The following XRCC4 variants were observed in gnomAD, a reference collection of about 807,000 sequenced individuals.
The protein encoded by XRCC4 is X-ray repair cross complementing 4, also known as DNA repair protein XRCC4.
A neutral mutation model predicts 39.1 loss-of-function variants in XRCC4; 28 were observed. The observed-to-expected ratio is 0.72, with a 90% CI of 0.53 to 0.98. The LOEUF (loss-of-function observed/expected upper bound fraction) is 0.98. XRCC4 is among the 50% of genes least tolerant of loss of function. The pLI, the probability that XRCC4 is intolerant of heterozygous loss-of-function variation, is 0.00. For synonymous variants in XRCC4, 123 were observed against 126.4 expected, an observed-to-expected ratio of 0.97 and a Z score of 0.18; for missense variants, 350 against 376.4, an observed-to-expected ratio of 0.93 and a Z score of 0.58.
chr5:83,080,840 A>G (rs966585101), intron 1 of XRCC4, among the ~76,000 whole-genome samples: 2 of 152,238 alleles, frequency 1.3e-5, no homozygotes, highest in Non-Finnish European at 2.9e-5. Flanking sequence ...TTTAAGCAAA[A>G]AAAGGAAAGT....
chr5:83,177,748 G>A (rs915845350), intron 3 of XRCC4, among the ~76,000 whole-genome samples: 10 of 152,184 alleles, frequency 6.6e-5, no homozygotes, highest in African/African-American at 2.4e-4. Flanking sequence ...CAGAAAAGTG[G>A]ATCATGGGCT....
chr5:83,292,401 TA>T (rs1754950743), intron 7 of XRCC4, among the ~76,000 whole-genome samples: 1 of 151,992 alleles, frequency 6.6e-6, no homozygotes, highest in Non-Finnish European at 1.5e-5. Flanking sequence ...TGGGATTGAC[TA>T]AATGTTTTTC....
intron 7 of XRCC4, among the ~76,000 whole-genome samples, chr5:83,270,108 G>A (rs1482433517): frequency 2.6e-5 from 4 of 152,108 alleles, no homozygotes; most frequent in African/African-American, 4.8e-5. Context: ...TAGATGCCTC[G>A]CATGCACAGT....
intron 3 of XRCC4, among the ~76,000 whole-genome samples, chr5:83,128,103 C>A (rs1747365826): frequency 6.6e-6 from 1 of 152,032 alleles, no homozygotes; most frequent in African/African-American, 2.4e-5. Context: ...AGGTATATCT[C>A]CTAATGCTAT....
chr5:83,207,250 C>G (rs181894950), intron 6 of XRCC4, among the ~76,000 whole-genome samples: 1 of 151,962 alleles, frequency 6.6e-6, no homozygotes, highest in Non-Finnish European at 1.5e-5. Context: ...TGAGAAAATA[C>G]GTGGTTAAAT....
intron 7 of XRCC4, among the ~76,000 whole-genome samples, chr5:83,303,612 CAATTAA>C (rs1755372970): frequency 6.6e-6 from 1 of 152,116 alleles, no homozygotes; most frequent in Non-Finnish European, 1.5e-5. Flanking sequence ...AAAAATGAGT[CAATTAA>C]AATATATTTA....
intron 7 of XRCC4, among the ~76,000 whole-genome samples, chr5:83,348,932 AGTGACCTCT>A (rs1203445804): frequency 6.6e-6 from 1 of 152,190 alleles, no homozygotes; most frequent in Non-Finnish European, 1.5e-5. Flanking sequence ...GCATAGCAAG[AGTGACCTCT>A]ACTCCAGTTC....
intron 7 of XRCC4, among the ~76,000 whole-genome samples, chr5:83,263,531 GC>G (rs1433113319): frequency 1.3e-5 from 2 of 151,022 alleles, no homozygotes; most frequent in Admixed American, 6.6e-5. Flanking sequence ...TTGAATGATT[GC>G]CATTCTAACT....
intron 7 of XRCC4, among the ~76,000 whole-genome samples, chr5:83,285,850 A>G (rs569199229): frequency 2.6e-5 from 4 of 152,246 alleles, no homozygotes; most frequent in African/African-American, 9.6e-5. Context: ...GGCATGGTTC[A>G]TGATTCCCTC....
rs182131272 is a variant in XRCC4 at position 83,189,247 on chromosome 5, G to A, written c.316-6523G>A. Among the ~76,000 whole-genome samples the A allele has an allele frequency of 8.6e-4, 131 of 152,246 alleles. No homozygotes were observed. The Middle Eastern group carries it at 0.01, about 12-fold the overall frequency. ...GCCCTTCAATGTAAAGCCAACTTCT[G>A]AGATTTCTGTACTATGTAGACTTTT... On this transcript the variant is annotated intron_variant, in intron 3 of 7. Transcript: ENST00000396027.
At chr5:83,143,961 A>G (rs148927573) in intron 3 of XRCC4, among the ~76,000 whole-genome samples, 119 of 151,952 alleles carry the variant, frequency 7.8e-4, no homozygotes, top group African/African-American at 2.7e-3. Context: ...TATATGGATG[A>G]ATTATATATT....
intron 3 of XRCC4, among the ~76,000 whole-genome samples, chr5:83,154,476 T>C (rs904271049): frequency 2.0e-5 from 3 of 152,186 alleles, no homozygotes; most frequent in Non-Finnish European, 4.4e-5. Flanking sequence ...AGAATCTGTA[T>C]CTGAAGCACT....
chr5:83,347,406 G>T (rs1203656765), intron 7 of XRCC4, among the ~76,000 whole-genome samples: 2 of 152,120 alleles, frequency 1.3e-5, no homozygotes, highest in Non-Finnish European at 2.9e-5. Context: ...TGCTGGGGAG[G>T]CCTCAGGAAA....
intron 2 of XRCC4, among the ~76,000 whole-genome samples, chr5:83,106,740 C>G (rs539184997): frequency 6.6e-6 from 1 of 151,834 alleles, no homozygotes; most frequent in Non-Finnish European, 1.5e-5. Context: ...CTGATTTATA[C>G]TGAGGGTAAG....
intron 6 of XRCC4, among the ~76,000 whole-genome samples, chr5:83,238,903 T>TA (rs1235098388): frequency 6.6e-6 from 1 of 152,218 alleles, no homozygotes; most frequent in Non-Finnish European, 1.5e-5. Flanking sequence ...AGTTAGCTGC[T>TA]AGAAGACCAC....
At chr5:83,153,958 T>C (rs1748837861) in intron 3 of XRCC4, among the ~76,000 whole-genome samples, 1 of 152,206 alleles carries the variant, frequency 6.6e-6, no homozygotes, top group Non-Finnish European at 1.5e-5. Flanking sequence ...GGTGAAGAAA[T>C]ATATGGTACT....
intron 7 of XRCC4, among the ~76,000 whole-genome samples, chr5:83,295,084 A>G (rs1436306133): frequency 6.6e-6 from 1 of 152,094 alleles, no homozygotes; most frequent in Admixed American, 6.6e-5. Context: ...GACTCTTCAA[A>G]TATAGGAAAC....
intron 7 of XRCC4, among the ~76,000 whole-genome samples, chr5:83,326,044 T>C (rs769243950): frequency 6.6e-6 from 1 of 151,902 alleles, no homozygotes; most frequent in Admixed American, 6.6e-5. Flanking sequence ...GCTGCACTTA[T>C]GTCTTCTTTT....
intron 6 of XRCC4, among the ~76,000 whole-genome samples, chr5:83,246,933 G>A (rs1486822902): frequency 6.6e-6 from 1 of 152,292 alleles, no homozygotes; most frequent in East Asian, 1.9e-4. Flanking sequence ...AGGTTGAAAT[G>A]TGGACTTCCT....
Sources: gnomAD v4.1 joint callset for allele counts (sites outside exome capture counted in the v4.1 genomes callset) on GRCh38, gnomAD v4.1.1 for gene constraint, MANE v1.5 for transcripts, NCBI Gene and HGNC (gene_info 2026-07-23, HGNC 2026-07-21) for gene names.